Variants in DNAAF4 observed in about 807,000 individuals in gnomAD.
DNAAF4 encodes dynein axonemal assembly factor 4, also known as dynein assembly factor 4, axonemal.
In DNAAF4, 43 loss-of-function variants were observed where a neutral mutation model predicts 51.8. The observed-to-expected ratio is 0.83, with a 90% CI of 0.65 to 1.07. DNAAF4 has a LOEUF of 1.07. Ranked by LOEUF, DNAAF4 falls within the 50% of genes least tolerant of loss-of-function variation. The probability of loss-of-function intolerance (pLI) is 0.00; values close to 1 mark genes in which losing one functional copy is unlikely to be tolerated. For missense variants in DNAAF4, 581 were observed against 493.0 expected, an observed-to-expected ratio of 1.18 and a Z score of -1.69; for synonymous variants, 194 against 165.6, an observed-to-expected ratio of 1.17 and a Z score of -1.32.
rs541705964 is a variant in DNAAF4 at position 55,469,761 on chromosome 15, A to G, written c.406-2600T>C. On this transcript the variant is annotated intron_variant, in intron 4 of 9. Transcript: ENST00000321149. ...CACCTTGACCTCCCAAAGTGCTGGG[A>G]TTACAGGCGTGAGCCACTGCGCCCG... Among the ~76,000 whole-genome samples, 139 of 151,682 alleles carry G rather than the reference A, an allele frequency of 9.2e-4. 2 individuals carry two copies. The highest frequency in any genetic ancestry group is 3.3e-3 in the African/African-American group (136 of 41,374).
intron 5 of DNAAF4, among the ~76,000 whole-genome samples, chr15:55,457,821 G>T (rs556482466): frequency 1.3e-5 from 2 of 152,298 alleles, no homozygotes; most frequent in Admixed American, 6.5e-5. Context: ...GCCACCACCA[G>T]AACAGGTGCT....
At position 55,462,285 on chromosome 15, in the gene DNAAF4, C is replaced by T. The variant is rs182619744; in HGVS notation, c.637+4645G>A. On this transcript the variant is annotated intron_variant, in intron 5 of 9. Coordinates refer to ENST00000321149, the MANE Select transcript of DNAAF4 (RefSeq NM_130810.4). The stretch of plus-strand genomic sequence containing the variant: ...CTCGGCTCATTGCAACCTCCATCTC[C>T]GGGTTTAAGCGATTCTCCTGCCTCA... 2.6e-3 allele frequency among the ~76,000 whole-genome samples: 391 copies of T among 148,732 alleles called. 2 individuals are homozygous for T. The highest frequency in any genetic ancestry group is 9.3e-3 in the African/African-American group (373 of 40,274).
At chr15:55,473,080 C>T (rs1028687314) in intron 4 of DNAAF4, among the ~76,000 whole-genome samples, 1 of 150,478 alleles carries the variant, frequency 6.6e-6, no homozygotes, top group Non-Finnish European at 1.5e-5. Flanking sequence ...GCATGAGAAT[C>T]GCTTAAACCC....
rs146504684 is a variant in DNAAF4 at position 55,464,751 on chromosome 15, T to C, written c.637+2179A>G. On this transcript the variant is annotated intron_variant, in intron 5 of 9. Transcript: ENST00000321149. ...TCGAGGCTGAGGCAGGCGGATCACCTGAGGTCAAGAGTTCGAGACCAGCCT... is the reference window on the plus strand; with the variant it reads ...TCGAGGCTGAGGCAGGCGGATCACCCGAGGTCAAGAGTTCGAGACCAGCCT... 4.7e-3 allele frequency among the ~76,000 whole-genome samples: 713 copies of C among 152,262 alleles called. 9 individuals carry two copies. The highest frequency in any genetic ancestry group is 0.016 in the African/African-American group (681 of 41,568).
chr15:55,439,961 C>A (rs2057681557), intron 6 of DNAAF4, among the ~76,000 whole-genome samples: 2 of 152,184 alleles, frequency 1.3e-5, no homozygotes, highest in African/African-American at 4.8e-5. Context: ...GATTTCCCAG[C>A]CTCCAGAACT....
At chr15:55,485,491 C>CA (rs2058474768) in intron 4 of DNAAF4, among the ~76,000 whole-genome samples, 1 of 152,112 alleles carries the variant, frequency 6.6e-6, no homozygotes. Flanking sequence ...CATGATCAGG[C>CA]AAACCTCTTT....
At chr15:55,456,101 T>C (rs1034044213) in intron 5 of DNAAF4, among the ~76,000 whole-genome samples, 22 of 151,468 alleles carry the variant, frequency 1.5e-4, no homozygotes. Context: ...TTTTTTGAGA[T>C]GGAGTTTCAC....
At chr15:55,491,076 TCTA>T (rs1377567584) in intron 4 of DNAAF4, 44 bp downstream of exon 4, 3 of 1,608,254 alleles carry the variant, frequency 1.9e-6, no homozygotes, top group South Asian at 1.1e-5. Context: ...CCTCACATAG[TCTA>T]CTATTATCTC....
chr15:55,481,514 T>A (rs533656114), intron 4 of DNAAF4, among the ~76,000 whole-genome samples: 1 of 152,210 alleles, frequency 6.6e-6, no homozygotes, highest in Admixed American at 6.5e-5. Context: ...CAAATGATCA[T>A]GCAGCAGGGC....
chr15:55,473,123 G>C (rs2058278829), intron 4 of DNAAF4, among the ~76,000 whole-genome samples: 1 of 145,300 alleles, frequency 6.9e-6, no homozygotes, highest in South Asian at 2.2e-4. Flanking sequence ...CCGAGACTGC[G>C]CCACTGCATT....
At chr15:55,453,548 C>CCT (rs2057969715) in intron 5 of DNAAF4, among the ~76,000 whole-genome samples, 1 of 115,678 alleles carries the variant, frequency 8.6e-6, no homozygotes, top group Non-Finnish European at 1.8e-5. Context: ...AAAAACAGTT[C>CCT]TTTTTTTTTT....
intron 4 of DNAAF4, among the ~76,000 whole-genome samples, chr15:55,473,273 GTATATATA>G (rs1341835960): frequency 6.1e-5 from 2 of 32,594 alleles, no homozygotes; most frequent in African/African-American, 7.0e-5. Context: ...GTATATATGT[GTATATATA>G]TGTGTATATA....
At chr15:55,440,197 C>T (rs1385541364) in intron 6 of DNAAF4, among the ~76,000 whole-genome samples, 3 of 151,620 alleles carry the variant, frequency 2.0e-5, no homozygotes, top group African/African-American at 7.3e-5. Context: ...GGATTACAGG[C>T]GTGTGCCACC....
At chr15:55,461,165 T>A (rs530956556) in intron 5 of DNAAF4, among the ~76,000 whole-genome samples, 1 of 150,500 alleles carries the variant, frequency 6.6e-6, no homozygotes, top group Non-Finnish European at 1.5e-5. Flanking sequence ...GCCTCCTGGG[T>A]TCATGCCATT....
intron 2 of DNAAF4, 95 bp downstream of exon 2, chr15:55,498,112 G>C: frequency 6.3e-7 from 1 of 1,582,312 alleles, no homozygotes. Context: ...GACGTTTATC[G>C]GCAAAGATGA....
intron 4 of DNAAF4, among the ~76,000 whole-genome samples, chr15:55,469,434 C>G (rs1235763292): frequency 6.7e-6 from 1 of 149,636 alleles, no homozygotes; most frequent in Non-Finnish European, 1.5e-5. Flanking sequence ...TAGGTCACTT[C>G]CATCACGAAA....
At chr15:55,466,807 T>C in intron 5 of DNAAF4, 123 bp downstream of exon 5, 2 of 1,178,818 alleles carry the variant, frequency 1.7e-6, no homozygotes, top group Non-Finnish European at 2.4e-6. Context: ...TTGTACTGAA[T>C]TGCTTATTCT....
At chr15:55,475,239 T>G (rs1355393815) in intron 4 of DNAAF4, among the ~76,000 whole-genome samples, 1 of 152,194 alleles carries the variant, frequency 6.6e-6, no homozygotes, top group Non-Finnish European at 1.5e-5. Flanking sequence ...GCAGATTTTG[T>G]GGCAACATGA....
At chr15:55,440,845 C>A (rs538260933) in intron 6 of DNAAF4, among the ~76,000 whole-genome samples, 22 of 151,424 alleles carry the variant, frequency 1.5e-4, no homozygotes, top group Admixed American at 1.1e-3. Context: ...CCATGCCCAG[C>A]TAATTTTTTG....
Sources: gnomAD v4.1 joint callset for allele counts (sites outside exome capture counted in the v4.1 genomes callset) on GRCh38, gnomAD v4.1.1 for gene constraint, MANE v1.5 for transcripts, NCBI Gene and HGNC (gene_info 2026-07-23, HGNC 2026-07-21) for gene names.